The following CDH18 variants were observed in gnomAD, a reference collection of about 807,000 sequenced individuals.
CDH18 encodes the protein cadherin-18.
In CDH18, 31 loss-of-function variants were observed where a neutral mutation model predicts 67.9. The observed-to-expected ratio is 0.46, with a 90% CI of 0.34 to 0.62. The LOEUF is 0.62. Ranked by LOEUF, CDH18 falls within the 20% of genes least tolerant of loss-of-function variation. The pLI, the probability that CDH18 is intolerant of heterozygous loss-of-function variation, is 0.01. For synonymous variants in CDH18, 362 were observed against 347.2 expected (o/e 1.04, Z -0.48); for missense variants, 890 against 975.5 (o/e 0.91, Z 1.17).
At chr5:20,370,972 G>T (rs192329978) in intron 1 of CDH18, among the ~76,000 whole-genome samples, 1 of 151,962 alleles carries the variant, frequency 6.6e-6, no homozygotes, top group East Asian at 1.9e-4. Context: ...GGGAAGTGGA[G>T]GTTGCAGTGA....
At chr5:20,343,945 CA>C (rs1740490018) in intron 1 of CDH18, among the ~76,000 whole-genome samples, 1 of 152,140 alleles carries the variant, frequency 6.6e-6, no homozygotes, top group Admixed American at 6.5e-5. Context: ...GCAGACCAAA[CA>C]GCTAAGTTAG....
At chr5:19,522,617 G>A (rs534094533) in intron 9 of CDH18, among the ~76,000 whole-genome samples, 11 of 152,042 alleles carry the variant, frequency 7.2e-5, no homozygotes, top group East Asian at 3.9e-4. Context: ...ATTGCACGCC[G>A]GGCATGGTGG....
chr5:19,614,966 T>C (rs1051445188), intron 5 of CDH18, among the ~76,000 whole-genome samples: 1 of 151,994 alleles, frequency 6.6e-6, no homozygotes, highest in Non-Finnish European at 1.5e-5. Flanking sequence ...GCTAACATGG[T>C]GAAACCCCGT....
chr5:19,489,401 C>T (rs1247510891), intron 11 of CDH18, among the ~76,000 whole-genome samples: 2 of 151,848 alleles, frequency 1.3e-5, no homozygotes, highest in Non-Finnish European at 2.9e-5. Context: ...GCGCCCGCCA[C>T]CACACCTGGC....
At chr5:19,854,401 T>C (rs1784040465) in intron 2 of CDH18, among the ~76,000 whole-genome samples, 1 of 152,134 alleles carries the variant, frequency 6.6e-6, no homozygotes, top group Non-Finnish European at 1.5e-5. Context: ...TAAATTCTAC[T>C]TCTAGGAATC....
At chr5:20,472,651 C>A (rs73767534) in intron 1 of CDH18, among the ~76,000 whole-genome samples, 8,349 of 152,220 alleles carry the variant, frequency 0.055, 758 homozygotes, top group African/African-American at 0.19. Context: ...ACCACATCTG[C>A]CTGGGAATCA....
intron 5 of CDH18, among the ~76,000 whole-genome samples, chr5:19,662,783 C>G (rs573133946): frequency 6.6e-6 from 1 of 152,068 alleles, no homozygotes; most frequent in South Asian, 2.1e-4. Context: ...CAATGTATGA[C>G]TGAATTTAAA....
chr5:20,471,734 G>A (rs186645907), intron 1 of CDH18, among the ~76,000 whole-genome samples: 53 of 148,560 alleles, frequency 3.6e-4, no homozygotes, highest in Non-Finnish European at 6.4e-4. Flanking sequence ...CCCGGGAGGC[G>A]GAGGTTGCAG....
intron 3 of CDH18, among the ~76,000 whole-genome samples, chr5:19,809,967 C>T (rs1034544687): frequency 1.3e-5 from 2 of 152,014 alleles, no homozygotes; most frequent in African/African-American, 2.4e-5. Context: ...AGCACACACA[C>T]GGAAAATAGA....
intron 10 of CDH18, among the ~76,000 whole-genome samples, chr5:19,510,680 T>A (rs1744966181): frequency 6.6e-6 from 1 of 152,086 alleles, no homozygotes; most frequent in South Asian, 2.1e-4. Context: ...TCATATTGAA[T>A]TATAATCCCC....
chr5:20,317,663 C>A (rs1398272587), intron 1 of CDH18, among the ~76,000 whole-genome samples: 2 of 152,094 alleles, frequency 1.3e-5, no homozygotes, highest in African/African-American at 2.4e-5. Flanking sequence ...TTATGTTCAA[C>A]ATAAGCTTTT....
chr5:19,761,384 T>C (rs979370285), intron 3 of CDH18, among the ~76,000 whole-genome samples: 7 of 152,198 alleles, frequency 4.6e-5, no homozygotes, highest in African/African-American at 9.6e-5. Context: ...GTATTATGTA[T>C]AGAGTCACTA....
intron 7 of CDH18, among the ~76,000 whole-genome samples, chr5:19,589,129 T>C (rs1056498344): frequency 1.3e-5 from 2 of 152,108 alleles, no homozygotes; most frequent in Non-Finnish European, 2.9e-5. Context: ...CGTTGCCACA[T>C]GACACTTACT....
intron 2 of CDH18, among the ~76,000 whole-genome samples, chr5:20,009,538 T>C (rs1209087416): frequency 6.6e-6 from 1 of 152,142 alleles, no homozygotes; most frequent in African/African-American, 2.4e-5. Flanking sequence ...TGGTGATCAG[T>C]TTAACTGGTG....
intron 10 of CDH18, among the ~76,000 whole-genome samples, chr5:19,519,476 T>A (rs545275513): frequency 1.3e-5 from 2 of 152,302 alleles, no homozygotes; most frequent in East Asian, 3.9e-4. Context: ...AGAAAGGGCA[T>A]ATTTTGACCT....
intron 2 of CDH18, among the ~76,000 whole-genome samples, chr5:20,003,768 G>C (rs535795674): frequency 6.6e-6 from 1 of 151,972 alleles, no homozygotes; most frequent in Non-Finnish European, 1.5e-5. Flanking sequence ...CGTGGTGGCG[G>C]GCGCCTGTAG....
At chr5:20,265,589 A>G (rs1017958728) in intron 1 of CDH18, among the ~76,000 whole-genome samples, 6 of 152,152 alleles carry the variant, frequency 3.9e-5, no homozygotes, top group African/African-American at 7.2e-5. Context: ...CAAAATAAAA[A>G]AAAAATTACA....
At chr5:20,489,501 TG>T (rs1753451442) in intron 1 of CDH18, among the ~76,000 whole-genome samples, 1 of 152,084 alleles carries the variant, frequency 6.6e-6, no homozygotes, top group East Asian at 1.9e-4. Context: ...TTGTAAAAAA[TG>T]ATCTTGTGAA....
chr5:19,681,772 T>G (rs1760364677), intron 5 of CDH18, among the ~76,000 whole-genome samples: 1 of 151,996 alleles, frequency 6.6e-6, no homozygotes, highest in Admixed American at 6.6e-5. Context: ...ATATTTACCC[T>G]AACCTGTTAT....
Sources: allele counts gnomAD v4.1 joint callset (sites outside exome capture counted in the v4.1 genomes callset), GRCh38; gene constraint gnomAD v4.1.1; transcripts MANE v1.5; gene names NCBI Gene and HGNC (gene_info 2026-07-23, HGNC 2026-07-21).